MFHAS1: variants seen among roughly 807,000 people sequenced by gnomAD.
MFHAS1 encodes the protein multifunctional ROCO family signaling regulator 1, also known as malignant fibrous histiocytoma-amplified sequence 1.
MFHAS1 carries 50 observed loss-of-function variants against 70.4 expected under a neutral mutation model. The observed-to-expected ratio is 0.71, with a 90% CI of 0.57 to 0.90. The LOEUF (loss-of-function observed/expected upper bound fraction) is 0.90, where lower values mean the gene tolerates loss of function less well. Ranked by LOEUF, MFHAS1 falls within the 40% of genes least tolerant of loss-of-function variation. The probability of loss-of-function intolerance (pLI) is 0.00; values close to 1 mark genes in which losing one functional copy is unlikely to be tolerated. For missense variants in MFHAS1, 1,795 were observed against 1,347.6 expected, an observed-to-expected ratio of 1.33 and a Z score of -5.20; for synonymous variants, 952 against 620.0, an observed-to-expected ratio of 1.54 and a Z score of -7.96.
chr8:8,789,893 A>G (rs894972558), intron 2 of MFHAS1, among the ~76,000 whole-genome samples: 1 of 151,966 alleles, frequency 6.6e-6, no homozygotes, highest in East Asian at 1.9e-4. Flanking sequence ...AGATTATTCA[A>G]ATAAGCCTGT....
At chr8:8,886,746 TTA>T (rs1452383475) in intron 1 of MFHAS1, among the ~76,000 whole-genome samples, 2 of 152,230 alleles carry the variant, frequency 1.3e-5, no homozygotes, top group East Asian at 3.8e-4. Context: ...TATAAAATTG[TTA>T]TAGTTTATAG....
chr8:8,833,297 T>C (rs1807476507), intron 1 of MFHAS1, among the ~76,000 whole-genome samples: 1 of 152,116 alleles, frequency 6.6e-6, no homozygotes, highest in African/African-American at 2.4e-5. Context: ...CAGAATGTAA[T>C]GGTACAAACA....
rs968772397 is a variant in MFHAS1, at chr8:8,805,956, TC to T, written c.2999-8466del. 4.1e-4 allele frequency among the ~76,000 whole-genome samples: 62 copies of T among 152,222 alleles called. 2 individuals are homozygous for T. The highest frequency in any genetic ancestry group is 7.3e-5 in the Non-Finnish European group (5 of 68,040). On this transcript the variant is annotated intron_variant, in intron 1 of 2. Transcript: ENST00000276282. ...CTCAGGTGACCCGCCCACCTTGGCC[TC>T]CCAAAGTGCTGGGATTACAGGCGTG...
chr8:8,803,472 G>A lies in MFHAS1; in HGVS notation c.2999-5981C>T, dbSNP rs531668773. ...GCAGAGGTTGCAGTGAGCCGAAATC[G>A]CACCACTGCACTCCAGCCTGGGCGA... is the stretch of plus-strand genomic sequence containing the variant. On this transcript the variant is annotated intron_variant, in intron 1 of 2. Transcript: ENST00000276282. Among the ~76,000 whole-genome samples, 37 of 148,080 alleles carry A rather than the reference G, an allele frequency of 2.5e-4. 1 individual carries two copies. In the East Asian group the frequency reaches 4.2e-3, roughly 17 times the overall value.
chr8:8,809,884 A>T (rs1806483390), intron 1 of MFHAS1, among the ~76,000 whole-genome samples: 1 of 152,224 alleles, frequency 6.6e-6, no homozygotes, highest in Non-Finnish European at 1.5e-5. Flanking sequence ...TTCCAGACTC[A>T]GAGAGGTTAC....
rs1403444220 is a variant in MFHAS1 at position 8,892,429 on chromosome 8, G to A, written c.630C>T (p.Asp210=). 1 of 1,612,294 alleles carries A rather than the reference G, an allele frequency of 6.2e-7. No individual in the cohort carries two copies. Among genetic ancestry groups the A allele is most frequent in the Non-Finnish European group, 8.5e-7 (1 of 1,179,440 alleles). The change falls in exon 1 of 3, where the codon GAC becomes GAT. Residue 210 remains aspartate (D), a synonymous_variant. Transcript: ENST00000276282. This position sits in a 1 kb window ranked among gnomAD's most constrained non-coding sequence, Gnocchi z 4.7. Reference sequence around the variant, plus strand: ...GGCCCCGCAGCCGGTTGCTGGACACGTCCAGCTCCTCCAGGGCCACCAGCT... The same window carrying A: ...GGCCCCGCAGCCGGTTGCTGGACACATCCAGCTCCTCCAGGGCCACCAGCT... ...LLQLVALEEL[D]VSSNRLRGLP... is the part of the protein sequence containing the mutation.
At chr8:8,862,369 G>T (rs1808698804) in intron 1 of MFHAS1, among the ~76,000 whole-genome samples, 1 of 145,238 alleles carries the variant, frequency 6.9e-6, no homozygotes, top group Non-Finnish European at 1.5e-5. Flanking sequence ...GTTTAACTGG[G>T]TTGTCTCAGC....
At chr8:8,858,743 AG>A (rs886710821) in intron 1 of MFHAS1, among the ~76,000 whole-genome samples, 1 of 152,166 alleles carries the variant, frequency 6.6e-6, no homozygotes, top group African/African-American at 2.4e-5. Context: ...GAGATGAGCC[AG>A]CCCTCCGTAT....
At chr8:8,807,753 G>A (rs1044440216) in intron 1 of MFHAS1, among the ~76,000 whole-genome samples, 4 of 152,216 alleles carry the variant, frequency 2.6e-5, no homozygotes, top group Non-Finnish European at 5.9e-5. Context: ...GGGACACACT[G>A]TAAGTAGCTA....
chr8:8,847,019 A>G (rs1808061585), intron 1 of MFHAS1, among the ~76,000 whole-genome samples: 1 of 152,234 alleles, frequency 6.6e-6, no homozygotes, highest in Non-Finnish European at 1.5e-5. Flanking sequence ...TAAATGAATG[A>G]GTGAATTCCA....
At chr8:8,833,004 G>C (rs967904100) in intron 1 of MFHAS1, among the ~76,000 whole-genome samples, 6 of 152,112 alleles carry the variant, frequency 3.9e-5, no homozygotes, top group Admixed American at 6.6e-5. Context: ...TCTGCTTCTA[G>C]GAGGGCCTCA....
intron 1 of MFHAS1, among the ~76,000 whole-genome samples, chr8:8,833,046 G>A (rs917362561): frequency 4.6e-5 from 7 of 152,106 alleles, no homozygotes; most frequent in Admixed American, 1.3e-4. Context: ...AGGGCAACGG[G>A]GGAGCAGGTG....
Position 8,886,853 on chromosome 8 carries a change from T to C in MFHAS1, c.2998+3208A>G, listed in dbSNP as rs536287343. 2.3e-4 allele frequency among the ~76,000 whole-genome samples: 35 copies of C among 152,302 alleles called. No homozygotes were observed. The South Asian group carries it at 7.0e-3, about 31-fold the overall frequency. On this transcript the variant is annotated intron_variant, in intron 1 of 2. Coordinates refer to ENST00000276282, the MANE Select transcript of MFHAS1 (RefSeq NM_004225.3). ...TTAAAAAGACAAAGGTGGCCAAGCC[T>C]AGTGGCTCACGCTTATAATCCCAGC...
intron 1 of MFHAS1, among the ~76,000 whole-genome samples, chr8:8,833,266 G>A (rs1351338386): frequency 6.6e-6 from 1 of 152,122 alleles, no homozygotes; most frequent in East Asian, 1.9e-4. Flanking sequence ...ATTTGTGTGG[G>A]GACATAGATC....
chr8:8,814,728 C>G (rs150160518), intron 1 of MFHAS1, among the ~76,000 whole-genome samples: 2 of 151,884 alleles, frequency 1.3e-5, no homozygotes, highest in Non-Finnish European at 2.9e-5. Flanking sequence ...AAAGTTCTAA[C>G]AGGCACCAAA....
At chr8:8,829,842 C>A (rs147685280) in intron 1 of MFHAS1, among the ~76,000 whole-genome samples, 343 of 152,322 alleles carry the variant, frequency 2.3e-3, no homozygotes, top group African/African-American at 7.8e-3. Flanking sequence ...TTGAACAGAA[C>A]TGTCCACAAA....
chr8:8,829,705 G>C (rs745955984), intron 1 of MFHAS1, among the ~76,000 whole-genome samples: 1 of 152,204 alleles, frequency 6.6e-6, no homozygotes, highest in Non-Finnish European at 1.5e-5. Flanking sequence ...AAGATTGCGA[G>C]ATCTTTGAGA....
At chr8:8,816,533 T>C (rs564127939) in intron 1 of MFHAS1, among the ~76,000 whole-genome samples, 8 of 152,354 alleles carry the variant, frequency 5.3e-5, no homozygotes, top group East Asian at 1.9e-4. Context: ...AGAAATGCCA[T>C]ATAAGCGTGC....
At chr8:8,796,886 C>T (rs1053203125) in intron 2 of MFHAS1, among the ~76,000 whole-genome samples, 9 of 151,014 alleles carry the variant, frequency 6.0e-5, no homozygotes, top group African/African-American at 2.2e-4. Flanking sequence ...GTCCCAGCTA[C>T]TCGGGAGGCT....
Sources: allele counts gnomAD v4.1 joint callset (sites outside exome capture counted in the v4.1 genomes callset), GRCh38; gene constraint gnomAD v4.1.1; non-coding constraint Gnocchi (gnomAD v3.1); transcripts MANE v1.5; gene names NCBI Gene and HGNC (gene_info 2026-07-23, HGNC 2026-07-21).